The following GPR158 variants were observed in gnomAD, a reference collection of about 807,000 sequenced individuals.
GPR158 encodes metabotropic glycine receptor.
In GPR158, 30 loss-of-function variants were observed where a neutral mutation model predicts 78.2. The ratio of observed to expected loss-of-function variants is 0.38; its 90% CI spans 0.29 to 0.52. The LOEUF is 0.52. Ranked by LOEUF, GPR158 falls within the 20% of genes least tolerant of loss-of-function variation. The pLI is 0.83. For synonymous variants in GPR158, 581 were observed against 591.1 expected (o/e 0.98, Z 0.25); for missense variants, 1,463 against 1,523.5 (o/e 0.96, Z 0.66).
intron 2 of GPR158, among the ~76,000 whole-genome samples, chr10:25,377,388 G>A (rs921093313): frequency 2.0e-5 from 3 of 151,928 alleles, no homozygotes; most frequent in African/African-American, 7.2e-5. Context: ...CTATTAAAAT[G>A]TAATTCACAT....
chr10:25,247,209 G>C (rs997731177), intron 2 of GPR158, among the ~76,000 whole-genome samples: 1 of 151,766 alleles, frequency 6.6e-6, no homozygotes, highest in South Asian at 2.1e-4. Flanking sequence ...TTGATGTTGT[G>C]TCAACTATCT....
At chr10:25,280,827 G>A (rs1854258728) in intron 2 of GPR158, among the ~76,000 whole-genome samples, 1 of 152,088 alleles carries the variant, frequency 6.6e-6, no homozygotes, top group South Asian at 2.1e-4. Context: ...ACCACATGCT[G>A]TGCCTCTGCA....
intron 3 of GPR158, among the ~76,000 whole-genome samples, chr10:25,406,789 G>T (rs1484259508): frequency 6.6e-6 from 1 of 151,912 alleles, no homozygotes; most frequent in Non-Finnish European, 1.5e-5. Context: ...TCCATCTTAT[G>T]ACAATGTGAT....
chr10:25,580,018 A>G (rs980443790), intron 7 of GPR158, among the ~76,000 whole-genome samples: 1 of 152,140 alleles, frequency 6.6e-6, no homozygotes, highest in African/African-American at 2.4e-5. Flanking sequence ...ACCTCTCTTC[A>G]TGGTTGTGAA....
chr10:25,319,167 T>C (rs1854907486), intron 2 of GPR158, among the ~76,000 whole-genome samples: 1 of 152,166 alleles, frequency 6.6e-6, no homozygotes, highest in Non-Finnish European at 1.5e-5. Context: ...TTTCCTTGTT[T>C]CCTTACTCAT....
intron 5 of GPR158, among the ~76,000 whole-genome samples, chr10:25,503,922 G>A (rs185214499): frequency 7.7e-4 from 111 of 143,922 alleles, no homozygotes; most frequent in Non-Finnish European, 1.3e-3. Context: ...ACAGAGCCTC[G>A]CTCTGTCACC....
chr10:25,259,270 G>C lies in GPR158; in HGVS notation c.1008+38113G>C, dbSNP rs529230979. On this transcript the variant is annotated intron_variant, in intron 2 of 10. Transcript: ENST00000376351. ...GAATGGGCATTGCTAGTTCCAACAA[G>C]ACTTTATTTACAAAATCAGGAATCT... Among the ~76,000 whole-genome samples, 4 of 152,292 alleles carry C rather than the reference G, an allele frequency of 2.6e-5. No homozygotes were observed. In the South Asian group the frequency reaches 8.3e-4, roughly 32 times the overall value.
chr10:25,261,814 CAA>C (rs1853972297), intron 2 of GPR158, among the ~76,000 whole-genome samples: 1 of 152,088 alleles, frequency 6.6e-6, no homozygotes, highest in South Asian at 2.1e-4. Context: ...AGATAAATGA[CAA>C]GAGCAGCTAG....
chr10:25,497,418 G>A (rs965741754), intron 5 of GPR158, among the ~76,000 whole-genome samples: 6 of 152,240 alleles, frequency 3.9e-5, no homozygotes, highest in South Asian at 4.1e-4. Context: ...AACATAAAGC[G>A]CCTATTAACA....
chr10:25,256,514 C>G (rs879284569), intron 2 of GPR158, among the ~76,000 whole-genome samples: 2 of 151,464 alleles, frequency 1.3e-5, no homozygotes, highest in Non-Finnish European at 2.9e-5. Flanking sequence ...TTTTAATTAG[C>G]TGAGTATGGT....
intron 2 of GPR158, among the ~76,000 whole-genome samples, chr10:25,370,803 A>G (rs527357344): frequency 1.3e-5 from 2 of 151,116 alleles, no homozygotes; most frequent in South Asian, 2.1e-4. Flanking sequence ...GTGGGAGTCT[A>G]AGTCTCTTTG....
chr10:25,279,535 G>C (rs1462393122), intron 2 of GPR158, among the ~76,000 whole-genome samples: 1 of 152,092 alleles, frequency 6.6e-6, no homozygotes, highest in Non-Finnish European at 1.5e-5. Flanking sequence ...AGGGGGAAGT[G>C]TATTACAGAA....
intron 2 of GPR158, among the ~76,000 whole-genome samples, chr10:25,334,903 T>C (rs984640748): frequency 2.4e-4 from 36 of 152,164 alleles, no homozygotes; most frequent in African/African-American, 7.9e-4. Context: ...AAATGTGTCT[T>C]CATTGCTAAT....
At chr10:25,420,889 C>A (rs990698577) in intron 4 of GPR158, among the ~76,000 whole-genome samples, 3 of 152,112 alleles carry the variant, frequency 2.0e-5, no homozygotes, top group African/African-American at 7.2e-5. Flanking sequence ...ATTTTGAAAT[C>A]AGAAAGAGTG....
At chr10:25,222,473 C>T (rs1157387978) in intron 2 of GPR158, among the ~76,000 whole-genome samples, 1 of 152,014 alleles carries the variant, frequency 6.6e-6, no homozygotes, top group Non-Finnish European at 1.5e-5. Context: ...CTCCATACAC[C>T]TCCACAGAGA....
intron 5 of GPR158, among the ~76,000 whole-genome samples, chr10:25,488,396 G>T (rs1835761325): frequency 6.6e-6 from 1 of 152,112 alleles, no homozygotes; most frequent in African/African-American, 2.4e-5. Context: ...AGAATTACGT[G>T]TATTGTGAAA....
chr10:25,190,107 T>C (rs948534960), intron 1 of GPR158, among the ~76,000 whole-genome samples: 5 of 152,172 alleles, frequency 3.3e-5, no homozygotes, highest in African/African-American at 1.2e-4. Flanking sequence ...AGTTAAGTTC[T>C]TGATGATTTA....
chr10:25,361,804 G>T (rs1368920977), intron 2 of GPR158, among the ~76,000 whole-genome samples: 1 of 151,862 alleles, frequency 6.6e-6, no homozygotes, highest in Non-Finnish European at 1.5e-5. Context: ...ATACTTCGTT[G>T]TTGAGTTATA....
chr10:25,176,641 G>A lies in GPR158; in HGVS notation c.902+319G>A, dbSNP rs1273717055. Among the ~76,000 whole-genome samples the A allele has an allele frequency of 6.6e-6, 1 of 152,238 alleles. No individual in the cohort carries two copies. Among genetic ancestry groups the A allele is most frequent in the Admixed American group, 6.5e-5 (1 of 15,288 alleles). ...GCTCTGTGCTTCCCTCCAATTGTCC[G>A]GAGAGCAGGGAGGGGCGTTCCCCAC... is the stretch of plus-strand genomic sequence containing the variant. On this transcript the variant is annotated intron_variant, in intron 1 of 10. Transcript: ENST00000376351. This position sits in a 1 kb window ranked among gnomAD's most constrained non-coding sequence, Gnocchi z 6.3.
Sources: gnomAD v4.1 joint callset for allele counts (sites outside exome capture counted in the v4.1 genomes callset) on GRCh38, gnomAD v4.1.1 for gene constraint, Gnocchi (gnomAD v3.1) non-coding constraint, MANE v1.5 for transcripts, NCBI Gene and HGNC (gene_info 2026-07-23, HGNC 2026-07-21) for gene names.